Variants in B3GAT2 observed in about 807,000 individuals in gnomAD.
B3GAT2 encodes galactosylgalactosylxylosylprotein 3-beta-glucuronosyltransferase 2.
A neutral mutation model predicts 27.8 loss-of-function variants in B3GAT2; 26 were observed. The ratio of observed to expected loss-of-function variants is 0.93; its 90% confidence interval spans 0.68 to 1.30. B3GAT2 has a LOEUF of 1.30. B3GAT2 is among the 50% of genes most tolerant of loss of function. B3GAT2 has a pLI of 0.00. For synonymous variants in B3GAT2, 218 were observed against 195.1 expected (o/e 1.12, Z -0.98); for missense variants, 458 against 459.0 (o/e 1.00, Z 0.02).
chr6:70,916,283 G>A (rs1299984443), intron 1 of B3GAT2, among the ~76,000 whole-genome samples: 1 of 152,084 alleles, frequency 6.6e-6, no homozygotes, highest in Non-Finnish European at 1.5e-5. Flanking sequence ...TTGTTTATCA[G>A]CTTAAGGAGA....
chr6:70,923,246 GA>G (rs1772900858), intron 1 of B3GAT2, among the ~76,000 whole-genome samples: 2 of 152,088 alleles, frequency 1.3e-5, no homozygotes. Flanking sequence ...ATCTTTCTAT[GA>G]AAAACTGCAT....
chr6:70,880,769 A>C (rs1034133829), intron 2 of B3GAT2, among the ~76,000 whole-genome samples: 7 of 151,602 alleles, frequency 4.6e-5, no homozygotes. Context: ...GGGTTCAAAC[A>C]ATCCTCCTGC....
chr6:70,945,563 T>C (rs530918092), intron 1 of B3GAT2, among the ~76,000 whole-genome samples: 1 of 151,418 alleles, frequency 6.6e-6, no homozygotes, highest in African/African-American at 2.4e-5. Flanking sequence ...CCAAGAAATA[T>C]GGGACTATGT....
Position 70,914,307 on chromosome 6 carries a change from G to A in B3GAT2, c.592-20035C>T, listed in dbSNP as rs375479029. On this transcript the variant is annotated intron_variant, in intron 1 of 3. Coordinates refer to ENST00000230053, the MANE Select transcript of B3GAT2 (RefSeq NM_080742.3). Reference sequence around the variant, plus strand: ...AGTCCCCCACCCTCTGACAGGCCCCGGTGTGTGATGTTCCCCTCTCTGTGT... The same window carrying A: ...AGTCCCCCACCCTCTGACAGGCCCCAGTGTGTGATGTTCCCCTCTCTGTGT... Among the ~76,000 whole-genome samples, 22 of 151,926 alleles carry A rather than the reference G, an allele frequency of 1.4e-4. No homozygotes were observed. In the East Asian group the frequency reaches 2.1e-3, roughly 15 times the overall value.
At chr6:70,867,953 G>C (rs1771878037) in intron 2 of B3GAT2, among the ~76,000 whole-genome samples, 1 of 151,852 alleles carries the variant, frequency 6.6e-6, no homozygotes, top group Non-Finnish European at 1.5e-5. Context: ...AATAAATCAT[G>C]ACCACTTGAG....
intron 1 of B3GAT2, among the ~76,000 whole-genome samples, chr6:70,939,107 C>T (rs1326169542): frequency 6.6e-6 from 1 of 152,076 alleles, no homozygotes; most frequent in African/African-American, 2.4e-5. Context: ...ATAGACACTT[C>T]TCAAAAGAAG....
intron 1 of B3GAT2, among the ~76,000 whole-genome samples, chr6:70,935,701 C>T (rs1358052868): frequency 6.6e-6 from 1 of 152,034 alleles, no homozygotes; most frequent in African/African-American, 2.4e-5. Context: ...CAAGCAAATG[C>T]TGAGAGAATT....
intron 2 of B3GAT2, among the ~76,000 whole-genome samples, chr6:70,883,040 A>G (rs1772123374): frequency 6.6e-6 from 1 of 152,200 alleles, no homozygotes; most frequent in Non-Finnish European, 1.5e-5. Context: ...TTAGGTGGCT[A>G]TTATTAAAAA....
chr6:70,902,965 TGTATATCATGGTGACTATA>T (rs1772532275), intron 1 of B3GAT2, among the ~76,000 whole-genome samples: 1 of 152,040 alleles, frequency 6.6e-6, no homozygotes, highest in African/African-American at 2.4e-5. Context: ...AGAGATCTAT[TGTATATCATGGTGACTATA>T]GTTAATATAT....
intron 1 of B3GAT2, among the ~76,000 whole-genome samples, chr6:70,897,018 T>C (rs1185748606): frequency 6.6e-6 from 1 of 152,244 alleles, no homozygotes; most frequent in Non-Finnish European, 1.5e-5. Flanking sequence ...CCATTTTACA[T>C]TCTCATCAGC....
At chr6:70,947,988 T>C (rs1765519939) in intron 1 of B3GAT2, among the ~76,000 whole-genome samples, 1 of 152,086 alleles carries the variant, frequency 6.6e-6, no homozygotes, top group South Asian at 2.1e-4. Context: ...ACCACATGAT[T>C]ATCTTAATAG....
Position 70,934,615 on chromosome 6 carries a change from A to T in B3GAT2, c.591+21224T>A, listed in dbSNP as rs139964733. On this transcript the variant is annotated intron_variant, in intron 1 of 3. Coordinates refer to ENST00000230053, the MANE Select transcript of B3GAT2 (RefSeq NM_080742.3). ...AAACTGGAGGTGACCTAATATCATT[A>T]ATAAATCATTAAAATAGTTTTTGCT... Among the ~76,000 whole-genome samples the T allele has an allele frequency of 2.6e-3, 390 of 152,346 alleles. 3 individuals carry two copies. The highest frequency in any genetic ancestry group is 9.0e-3 in the African/African-American group (373 of 41,570).
chr6:70,863,691 T>C (rs1234085267), intron 2 of B3GAT2, among the ~76,000 whole-genome samples: 1 of 152,160 alleles, frequency 6.6e-6, no homozygotes, highest in Non-Finnish European at 1.5e-5. Flanking sequence ...AATTGAGGTA[T>C]GGAAAGACTC....
chr6:70,947,878 C>T (rs1013068942), intron 1 of B3GAT2, among the ~76,000 whole-genome samples: 17 of 152,170 alleles, frequency 1.1e-4, no homozygotes, highest in African/African-American at 4.1e-4. Flanking sequence ...AAACCTTACT[C>T]ACCATGATCA....
At chr6:70,889,786 A>AT (rs5877266) in intron 2 of B3GAT2, among the ~76,000 whole-genome samples, 3,890 of 141,752 alleles carry the variant, frequency 0.027, 174 homozygotes, top group African/African-American at 0.089. Flanking sequence ...TAGAAACCTA[A>AT]TTTTTTTTTT....
rs113008719 is a variant in B3GAT2 at position 70,899,916 on chromosome 6, T to G, written c.592-5644A>C. On this transcript the variant is annotated intron_variant, in intron 1 of 3. Transcript: ENST00000230053. Reference sequence around the variant, plus strand: ...AAAATATTCTCAGTATTTAAAAGCTTTGCTACTTTCTCAACATGAAATAGC... The same window carrying G: ...AAAATATTCTCAGTATTTAAAAGCTGTGCTACTTTCTCAACATGAAATAGC... Among the ~76,000 whole-genome samples, 8 of 152,324 alleles carry G rather than the reference T, an allele frequency of 5.3e-5. 1 individual carries two copies. The highest frequency in any genetic ancestry group is 1.9e-4 in the African/African-American group (8 of 41,576).
At chr6:70,910,172 CCCT>C (rs1426386781) in intron 1 of B3GAT2, among the ~76,000 whole-genome samples, 1 of 152,118 alleles carries the variant, frequency 6.6e-6, no homozygotes, top group African/African-American at 2.4e-5. Flanking sequence ...TGTGCCCGGC[CCCT>C]CTTCTTTTTT....
Position 70,858,321 on chromosome 6 carries a change from T to G in B3GAT2, c.*3342A>C. 8.8e-7 allele frequency: 1 copy of G among 1,130,462 alleles called. No individual in the cohort carries two copies. Among genetic ancestry groups the G allele is most frequent in the Non-Finnish European group, 1.2e-6 (1 of 837,812 alleles). The allele number at this position is 1,130,462 out of a possible 1,614,324, so 70.0% of individuals were successfully genotyped here. On this transcript the variant is annotated 3_prime_UTR_variant, in exon 4 of 4. Coordinates refer to ENST00000230053, the MANE Select transcript of B3GAT2 (RefSeq NM_080742.3). ...TTTTTTTTTTTTTTTTTTTTAAGTC[T>G]AGTGATCTGGCAGAAAGAATTCAAT... is the stretch of plus-strand genomic sequence containing the variant.
At chr6:70,940,512 G>A (rs1765375883) in intron 1 of B3GAT2, among the ~76,000 whole-genome samples, 1 of 152,014 alleles carries the variant, frequency 6.6e-6, no homozygotes, top group South Asian at 2.1e-4. Context: ...TCTATTTCGT[G>A]CCCTCTCCTT....
Sources: gnomAD v4.1 joint callset for allele counts (sites outside exome capture counted in the v4.1 genomes callset) on GRCh38, gnomAD v4.1.1 for gene constraint, MANE v1.5 for transcripts, NCBI Gene and HGNC (gene_info 2026-07-23, HGNC 2026-07-21) for gene names.